CCDC192: variants seen among roughly 807,000 people sequenced by gnomAD.
CCDC192 encodes coiled-coil domain-containing protein 192.
intron 6 of CCDC192, among the ~76,000 whole-genome samples, chr5:127,921,223 G>A (rs1252980760): frequency 6.0e-5 from 9 of 151,214 alleles, no homozygotes; most frequent in Non-Finnish European, 1.3e-4. Flanking sequence ...AGTGGAGGAA[G>A]GAAGGGAAGA....
chr5:127,749,045 C>G (rs553737561), intron 2 of CCDC192, among the ~76,000 whole-genome samples: 255 of 152,302 alleles, frequency 1.7e-3, no homozygotes, highest in African/African-American at 5.1e-3. Context: ...ACAATCATGT[C>G]ATCTGCAAAC....
chr5:127,719,568 C>CATATATATATATATATATAT (rs142203401), intron 2 of CCDC192, among the ~76,000 whole-genome samples: 3 of 19,038 alleles, frequency 1.6e-4, no homozygotes, highest in African/African-American at 3.0e-4. Flanking sequence ...TACACACATA[C>CATATATATATATATATATAT]ATATATATAT....
chr5:127,848,832 T>C (rs1188348250), intron 5 of CCDC192, among the ~76,000 whole-genome samples: 1 of 152,190 alleles, frequency 6.6e-6, no homozygotes, highest in East Asian at 1.9e-4. Context: ...TATTTAAATT[T>C]GAAAAGACAC....
At chr5:127,738,902 A>G (rs1753205474) in intron 2 of CCDC192, among the ~76,000 whole-genome samples, 1 of 151,682 alleles carries the variant, frequency 6.6e-6, no homozygotes, top group African/African-American at 2.4e-5. Context: ...GAGTAATTTG[A>G]TCGTCTGAAG....
chr5:127,729,577 G>A (rs1265941579), intron 2 of CCDC192, among the ~76,000 whole-genome samples: 2 of 152,038 alleles, frequency 1.3e-5, no homozygotes, highest in Non-Finnish European at 2.9e-5. Context: ...ATTCTTCTTC[G>A]GGTCACATGG....
At chr5:127,889,215 C>G (rs567962255) in intron 6 of CCDC192, among the ~76,000 whole-genome samples, 1 of 152,110 alleles carries the variant, frequency 6.6e-6, no homozygotes, top group Non-Finnish European at 1.5e-5. Flanking sequence ...TATAAAAAAG[C>G]TTTCATCCTT....
At chr5:127,825,234 T>C (rs1239035037) in intron 5 of CCDC192, among the ~76,000 whole-genome samples, 1 of 152,140 alleles carries the variant, frequency 6.6e-6, no homozygotes, top group African/African-American at 2.4e-5. Flanking sequence ...TGGCATAGAG[T>C]AACAGTTCAG....
In CCDC192 at chr5:127,902,812, C is replaced by G. The variant is rs185988855; in HGVS notation, c.535+27151C>G. Among the ~76,000 whole-genome samples the G allele has an allele frequency of 3.9e-5, 6 of 152,128 alleles. No homozygotes were observed. The East Asian group carries it at 1.2e-3, about 29-fold the overall frequency. On this transcript the variant is annotated intron_variant, in intron 6 of 6. Coordinates refer to ENST00000514853, the MANE Select transcript of CCDC192 (RefSeq NM_001317938.2). Reference sequence around the variant, plus strand: ...CTGGGCAGATAGAGCTTGTGAAGTACCCTAGTGCTTCAGCAATGGCTTTGA... The same window carrying G: ...CTGGGCAGATAGAGCTTGTGAAGTAGCCTAGTGCTTCAGCAATGGCTTTGA...
chr5:127,849,436 C>T (rs1750702960), intron 5 of CCDC192, among the ~76,000 whole-genome samples: 1 of 152,054 alleles, frequency 6.6e-6, no homozygotes, highest in African/African-American at 2.4e-5. Context: ...CAGCTTGGCT[C>T]ACCTCTGTTC....
chr5:127,719,554 TATATACACACATACATATATATATATAC>T (rs1561445082), intron 2 of CCDC192, among the ~76,000 whole-genome samples: 1 of 36,504 alleles, frequency 2.7e-5, no homozygotes, highest in African/African-American at 1.1e-4. Context: ...TATATATATA[TATATACACACATACATATATATATATAC>T]CAAGCAGTGG....
chr5:127,794,072 C>T (rs891062701), intron 3 of CCDC192, among the ~76,000 whole-genome samples: 1 of 152,150 alleles, frequency 6.6e-6, no homozygotes, highest in Non-Finnish European at 1.5e-5. Context: ...CGCGTCTGGT[C>T]GGTGACAGAG....
chr5:127,742,811 T>C (rs1753497416), intron 2 of CCDC192, among the ~76,000 whole-genome samples: 1 of 152,192 alleles, frequency 6.6e-6, no homozygotes, highest in Admixed American at 6.5e-5. Context: ...GTGGAATCAA[T>C]TTGGCTTCAT....
intron 2 of CCDC192, among the ~76,000 whole-genome samples, chr5:127,720,455 G>T (rs995930127): frequency 8.5e-5 from 13 of 152,222 alleles, no homozygotes; most frequent in African/African-American, 3.1e-4. Flanking sequence ...AGCCACCATG[G>T]CTGCTTTCAT....
At chr5:127,791,991 T>C (rs1191090643) in intron 3 of CCDC192, among the ~76,000 whole-genome samples, 1 of 152,142 alleles carries the variant, frequency 6.6e-6, no homozygotes, top group Admixed American at 6.5e-5. Flanking sequence ...GTTGGGAATA[T>C]ACGTAAGGAG....
At chr5:127,759,842 C>G (rs1247660242) in intron 3 of CCDC192, among the ~76,000 whole-genome samples, 1 of 152,230 alleles carries the variant, frequency 6.6e-6, no homozygotes, top group Non-Finnish European at 1.5e-5. Context: ...CTCTTCTACT[C>G]TTTCTCATCT....
At chr5:127,818,671 T>G (rs1000554301) in intron 5 of CCDC192, among the ~76,000 whole-genome samples, 2 of 152,150 alleles carry the variant, frequency 1.3e-5, no homozygotes, top group African/African-American at 4.8e-5. Context: ...CCATCAGGTA[T>G]GCCAGTGATA....
intron 5 of CCDC192, among the ~76,000 whole-genome samples, chr5:127,841,343 C>G (rs913407816): frequency 5.3e-5 from 8 of 152,152 alleles, no homozygotes; most frequent in African/African-American, 1.9e-4. Context: ...GCATTACTTT[C>G]TCTCAGGGGA....
chr5:127,915,281 C>A (rs1000956002), intron 6 of CCDC192, among the ~76,000 whole-genome samples: 3 of 152,222 alleles, frequency 2.0e-5, no homozygotes, highest in Non-Finnish European at 1.5e-5. Context: ...TCATCTGAGT[C>A]TTCAGCAAGT....
intron 2 of CCDC192, among the ~76,000 whole-genome samples, chr5:127,719,962 G>C (rs751618634): frequency 1.3e-4 from 19 of 151,902 alleles, no homozygotes; most frequent in Non-Finnish European, 2.5e-4. Context: ...CTCCAACATT[G>C]GGGATCACAA....
Sources: allele counts gnomAD v4.1 joint callset (sites outside exome capture counted in the v4.1 genomes callset), GRCh38; gene constraint gnomAD v4.1.1; transcripts MANE v1.5; gene names NCBI Gene and HGNC (gene_info 2026-07-23, HGNC 2026-07-21).